THADA: variants seen among roughly 807,000 people sequenced by gnomAD.
THADA encodes THADA armadillo repeat containing, also known as tRNA (32-2'-O)-methyltransferase regulator THADA.
In THADA, 213 loss-of-function variants were observed where a neutral mutation model predicts 219.8. That is an observed-to-expected ratio of 0.97 (90% CI 0.87 to 1.09). THADA has a LOEUF of 1.09. THADA is among the 50% of genes least tolerant of loss of function. The pLI, the probability that THADA is intolerant of heterozygous loss-of-function variation, is 0.00. For missense variants in THADA, 2,956 were observed against 2,311.3 expected, an observed-to-expected ratio of 1.28 and a Z score of -5.72; for synonymous variants, 1,018 against 828.9, an observed-to-expected ratio of 1.23 and a Z score of -3.92.
chr2:43,293,309 C>A (rs1674969850), intron 31 of THADA, 96 bp from the exon 32 acceptor site: 1 of 1,360,366 alleles, frequency 7.4e-7, no homozygotes, highest in Non-Finnish European at 9.9e-7. Context: ...TGCGTGAGGC[C>A]ATCAGATGTC....
chr2:43,513,274 G>T (rs1375033309), intron 22 of THADA, among the ~76,000 whole-genome samples: 1 of 152,086 alleles, frequency 6.6e-6, no homozygotes, highest in Non-Finnish European at 1.5e-5. Context: ...CATTTTGACA[G>T]GACATCCCCC....
intron 25 of THADA, among the ~76,000 whole-genome samples, chr2:43,488,459 C>T (rs1687181339): frequency 6.6e-6 from 1 of 152,146 alleles, no homozygotes; most frequent in Non-Finnish European, 1.5e-5. Context: ...TGGCTTCTTT[C>T]ACCTAGCATA....
chr2:43,413,834 C>T (rs935045545), intron 28 of THADA, among the ~76,000 whole-genome samples: 3 of 152,210 alleles, frequency 2.0e-5, no homozygotes, highest in African/African-American at 7.2e-5. Flanking sequence ...TATGCAACAG[C>T]AATCCCATTC....
chr2:43,499,668 C>A (rs183408184), intron 24 of THADA, among the ~76,000 whole-genome samples: 3 of 152,194 alleles, frequency 2.0e-5, no homozygotes, highest in Admixed American at 1.3e-4. Context: ...TGAGCCAGCG[C>A]ACCCGGCCTA....
At chr2:43,302,811 G>A (rs1350058210) in intron 31 of THADA, among the ~76,000 whole-genome samples, 3 of 152,130 alleles carry the variant, frequency 2.0e-5, no homozygotes, top group African/African-American at 7.2e-5. Context: ...CAGCTAGCTG[G>A]GAGGCTGAGG....
intron 22 of THADA, among the ~76,000 whole-genome samples, chr2:43,520,696 T>C (rs1269231606): frequency 8.6e-6 from 1 of 116,436 alleles, no homozygotes; most frequent in Non-Finnish European, 1.8e-5. Context: ...TCTCAAATAT[T>C]TATACGTATA....
At chr2:43,489,155 T>A (rs1177748922) in intron 25 of THADA, among the ~76,000 whole-genome samples, 1 of 152,174 alleles carries the variant, frequency 6.6e-6, no homozygotes, top group East Asian at 1.9e-4. Context: ...TTTTTCTTGA[T>A]GCTGGTTAAG....
At chr2:43,337,815 T>C (rs545051706) in intron 30 of THADA, among the ~76,000 whole-genome samples, 1 of 152,258 alleles carries the variant, frequency 6.6e-6, no homozygotes, top group Admixed American at 6.5e-5. Context: ...GTAAATTTAA[T>C]GAGTAATTAT....
At chr2:43,396,926 A>G (rs1336247467) in intron 29 of THADA, among the ~76,000 whole-genome samples, 1 of 152,210 alleles carries the variant, frequency 6.6e-6, no homozygotes, top group African/African-American at 2.4e-5. Flanking sequence ...TATTAAAATT[A>G]ATGATAATAA....
intron 28 of THADA, among the ~76,000 whole-genome samples, chr2:43,410,435 T>A (rs1239541374): frequency 1.3e-5 from 2 of 152,242 alleles, no homozygotes; most frequent in African/African-American, 4.8e-5. Flanking sequence ...GACTCGTGCA[T>A]GATTGTTCCT....
chr2:43,470,072 GGGGT>G (rs1684721883), intron 26 of THADA, among the ~76,000 whole-genome samples: 1 of 151,958 alleles, frequency 6.6e-6, no homozygotes, highest in Non-Finnish European at 1.5e-5. Flanking sequence ...TTAGCCAGGT[GGGGT>G]GGCACACCTG....
intron 36 of THADA, among the ~76,000 whole-genome samples, chr2:43,279,168 G>C (rs1321034089): frequency 6.6e-6 from 1 of 152,078 alleles, no homozygotes; most frequent in African/African-American, 2.4e-5. Context: ...CATGACCCCG[G>C]GCCTGGGGCT....
At chr2:43,246,914 G>A (rs1363954218) in intron 36 of THADA, among the ~76,000 whole-genome samples, 2 of 152,228 alleles carry the variant, frequency 1.3e-5, no homozygotes, top group African/African-American at 4.8e-5. Context: ...GGCAAGAGAA[G>A]GGAGAGGTCC....
intron 30 of THADA, among the ~76,000 whole-genome samples, chr2:43,336,953 C>T (rs7606622): frequency 1.3e-5 from 2 of 152,122 alleles, no homozygotes; most frequent in Admixed American, 6.5e-5. Context: ...ATTGTGGCCA[C>T]GTGGGAATTT....
intron 22 of THADA, among the ~76,000 whole-genome samples, chr2:43,522,284 A>C (rs180779325): frequency 3.1e-4 from 47 of 152,332 alleles, no homozygotes; most frequent in African/African-American, 9.4e-4. Flanking sequence ...TATCAAGAGA[A>C]GCCATCTTAA....
In THADA at chr2:43,267,762, A is replaced by T. The variant is rs563372241; in HGVS notation, c.5296+12003T>A. On this transcript the variant is annotated intron_variant, in intron 36 of 37. Transcript: ENST00000405975. ...AGAAAGAAGGTGTGCGCCCCTAATC[A>T]TACGGACCATCACACTAGTCTACTG... is the stretch of plus-strand genomic sequence containing the variant. Among the ~76,000 whole-genome samples the T allele has an allele frequency of 6.6e-5, 10 of 152,346 alleles. No homozygotes were observed. In the South Asian group the frequency reaches 1.9e-3, roughly 28 times the overall value.
At chr2:43,423,406 CCAAA>C (rs1324913190) in intron 28 of THADA, among the ~76,000 whole-genome samples, 7 of 151,864 alleles carry the variant, frequency 4.6e-5, no homozygotes, top group African/African-American at 1.7e-4. Context: ...CATATACCTA[CCAAA>C]TAAGTAGCTT....
At chr2:43,549,483 T>G (rs1413811595) in intron 19 of THADA, 115 bp from the exon 20 acceptor site, 2 of 1,055,130 alleles carry the variant, frequency 1.9e-6, no homozygotes, top group African/African-American at 3.3e-5. Flanking sequence ...ATCAGCTTTA[T>G]TAGAAGGGAC....
intron 36 of THADA, among the ~76,000 whole-genome samples, chr2:43,271,347 T>C (rs997205189): frequency 1.1e-4 from 17 of 152,326 alleles, no homozygotes; most frequent in African/African-American, 3.4e-4. Context: ...AAGTCAGGAC[T>C]AAGGCAGGCG....
Sources: gnomAD v4.1 joint callset for allele counts (sites outside exome capture counted in the v4.1 genomes callset) on GRCh38, gnomAD v4.1.1 for gene constraint, MANE v1.5 for transcripts, NCBI Gene and HGNC (gene_info 2026-07-23, HGNC 2026-07-21) for gene names.